The following MFHAS1 variants were observed in gnomAD, a reference collection of about 807,000 sequenced individuals.
MFHAS1 encodes the protein malignant fibrous histiocytoma-amplified sequence 1.
A neutral mutation model predicts 70.4 loss-of-function variants in MFHAS1; 50 were observed. The ratio of observed to expected loss-of-function variants is 0.71; its 90% CI spans 0.57 to 0.90. MFHAS1 has a LOEUF of 0.90. Ranked by LOEUF, MFHAS1 falls within the 40% of genes least tolerant of loss-of-function variation. MFHAS1 has a pLI of 0.00. For synonymous variants in MFHAS1, 952 were observed against 620.0 expected, an observed-to-expected ratio of 1.54 and a Z score of -7.96; for missense variants, 1,795 against 1,347.6, an observed-to-expected ratio of 1.33 and a Z score of -5.20.
intron 1 of MFHAS1, among the ~76,000 whole-genome samples, chr8:8,853,035 G>A (rs1237075284): frequency 2.0e-5 from 3 of 152,136 alleles, no homozygotes. Context: ...AGGAGGTCCT[G>A]ATTCTGTTCT....
chr8:8,816,782 T>C (rs2117294342), intron 1 of MFHAS1, among the ~76,000 whole-genome samples: 1 of 152,300 alleles, frequency 6.6e-6, no homozygotes, highest in East Asian at 1.9e-4. Context: ...TTATAAACTT[T>C]GAAGGAGTAG....
At chr8:8,817,942 G>C (rs551526700) in intron 1 of MFHAS1, among the ~76,000 whole-genome samples, 4 of 152,220 alleles carry the variant, frequency 2.6e-5, no homozygotes. Flanking sequence ...CTGCAGCCCA[G>C]TTCCTAACAG....
At chr8:8,823,401 G>A (rs181184662) in intron 1 of MFHAS1, among the ~76,000 whole-genome samples, 6 of 152,246 alleles carry the variant, frequency 3.9e-5, no homozygotes, top group East Asian at 1.9e-4. Context: ...CCCGCGCTCC[G>A]ATCCTGGTGC....
chr8:8,815,069 A>G (rs4841045), intron 1 of MFHAS1, among the ~76,000 whole-genome samples: 68,098 of 151,582 alleles, frequency 0.45, 16,552 homozygotes, highest in East Asian at 0.78. Context: ...CCCTGTGTCC[A>G]TGGGTTCTCA....
chr8:8,836,425 C>A (rs1041856459), intron 1 of MFHAS1, among the ~76,000 whole-genome samples: 1 of 152,138 alleles, frequency 6.6e-6, no homozygotes, highest in Non-Finnish European at 1.5e-5. Flanking sequence ...GCTGCCCAGG[C>A]TGGAGTGCAG....
intron 1 of MFHAS1, among the ~76,000 whole-genome samples, chr8:8,825,184 G>GT (rs1377419201): frequency 6.6e-6 from 1 of 152,008 alleles, no homozygotes; most frequent in Non-Finnish European, 1.5e-5. Context: ...CGGTTTTTTT[G>GT]TTTTTTGAGA....
chr8:8,832,439 A>ACC (rs1434835164), intron 1 of MFHAS1, among the ~76,000 whole-genome samples: 4 of 151,140 alleles, frequency 2.6e-5, no homozygotes, highest in African/African-American at 9.7e-5. Flanking sequence ...ACACACACAC[A>ACC]CACACACACA....
chr8:8,788,007 T>C (rs1805610775), intron 2 of MFHAS1, among the ~76,000 whole-genome samples: 1 of 152,216 alleles, frequency 6.6e-6, no homozygotes. Flanking sequence ...TTGTCCTCCT[T>C]CTTCAAGATC....
At chr8:8,826,389 AT>A (rs1385040072) in intron 1 of MFHAS1, among the ~76,000 whole-genome samples, 1 of 152,122 alleles carries the variant, frequency 6.6e-6, no homozygotes, top group Non-Finnish European at 1.5e-5. Flanking sequence ...GCCTTGACAG[AT>A]TCCCTGAAGG....
At chr8:8,886,764 C>T (rs1009546123) in intron 1 of MFHAS1, among the ~76,000 whole-genome samples, 5 of 152,132 alleles carry the variant, frequency 3.3e-5, no homozygotes, top group Non-Finnish European at 5.9e-5. Context: ...TATAGGACAA[C>T]TTAACGCTTT....
intron 1 of MFHAS1, among the ~76,000 whole-genome samples, chr8:8,799,313 G>C (rs957973542): frequency 1.1e-4 from 16 of 152,096 alleles, no homozygotes; most frequent in African/African-American, 3.4e-4. Context: ...TTATGAATAT[G>C]GTCTCTCAAA....
chr8:8,883,936 G>A (rs1251960462), intron 1 of MFHAS1, among the ~76,000 whole-genome samples: 2 of 151,424 alleles, frequency 1.3e-5, no homozygotes, highest in Non-Finnish European at 2.9e-5. Context: ...GGTGGCTCAC[G>A]CCTCTAATCC....
chr8:8,835,126 C>G (rs191933596), intron 1 of MFHAS1, among the ~76,000 whole-genome samples: 6 of 152,230 alleles, frequency 3.9e-5, no homozygotes, highest in African/African-American at 1.4e-4. Context: ...GGACAGAAAG[C>G]AGATGAGTGG....
At chr8:8,826,930 G>A (rs1585037770) in intron 1 of MFHAS1, among the ~76,000 whole-genome samples, 1 of 152,182 alleles carries the variant, frequency 6.6e-6, no homozygotes, top group South Asian at 2.1e-4. Context: ...GGCAGGGATG[G>A]CATAGTGAGA....
At chr8:8,886,933 C>A (rs1224448890) in intron 1 of MFHAS1, among the ~76,000 whole-genome samples, 1 of 152,164 alleles carries the variant, frequency 6.6e-6, no homozygotes, top group African/African-American at 2.4e-5. Context: ...CAAGACCAGC[C>A]TGGCCAACCT....
chr8:8,874,684 G>C (rs568206361), intron 1 of MFHAS1, among the ~76,000 whole-genome samples: 1 of 151,884 alleles, frequency 6.6e-6, no homozygotes, highest in Non-Finnish European at 1.5e-5. Context: ...GATTCCCGCT[G>C]TCACCTCTGT....
chr8:8,838,065 G>A (rs942525384), intron 1 of MFHAS1, among the ~76,000 whole-genome samples: 1 of 152,144 alleles, frequency 6.6e-6, no homozygotes, highest in Non-Finnish European at 1.5e-5. Flanking sequence ...TAAATAAACC[G>A]GCATATTCAG....
intron 1 of MFHAS1, among the ~76,000 whole-genome samples, chr8:8,831,758 G>A (rs1191511117): frequency 1.3e-5 from 2 of 151,894 alleles, no homozygotes; most frequent in African/African-American, 4.8e-5. Flanking sequence ...ACAGGCATGC[G>A]CCACCACACC....
intron 1 of MFHAS1, among the ~76,000 whole-genome samples, chr8:8,826,606 G>A (rs1371324000): frequency 3.3e-5 from 5 of 152,118 alleles, no homozygotes; most frequent in Non-Finnish European, 5.9e-5. Flanking sequence ...GGTGGCGGGC[G>A]CCTGTAGTCC....
Sources: allele counts gnomAD v4.1 joint callset (sites outside exome capture counted in the v4.1 genomes callset), GRCh38; gene constraint gnomAD v4.1.1; transcripts MANE v1.5; gene names NCBI Gene and HGNC (gene_info 2026-07-23, HGNC 2026-07-21).